Variants in TCF20 observed in about 807,000 individuals in gnomAD.
TCF20 encodes transcription factor 20, also known as SPRE-binding protein.
Under a neutral mutation model 148.6 loss-of-function variants are expected in TCF20, and 3 were observed. That is an observed-to-expected ratio of 0.02 (90% CI 0.01 to 0.05). The LOEUF (loss-of-function observed/expected upper bound fraction) is 0.05, where lower values mean the gene tolerates loss of function less well. TCF20 is among the 10% of genes least tolerant of loss of function. The pLI, the probability that TCF20 is intolerant of heterozygous loss-of-function variation, is 1.00. For missense variants in TCF20, 2,350 were observed against 2,429.3 expected (o/e 0.97, Z 0.69); for synonymous variants, 1,049 against 909.5 (o/e 1.15, Z -2.76).
At chr22:42,274,585 G>A (rs1436859148), upstream of TCF20, 1 of 152,286 alleles carries the variant, frequency 6.6e-6, no homozygotes, top group African/African-American at 2.4e-5. Flanking sequence ...ATGAAGCTGC[G>A]GAGTTGGGCA....
chr22:42,249,289 G>T (rs900091819), intron 1 of TCF20, among the ~76,000 whole-genome samples: 1 of 152,168 alleles, frequency 6.6e-6, no homozygotes, highest in Non-Finnish European at 1.5e-5. Flanking sequence ...GCCTGCAGAT[G>T]ATCTGTCATG....
chr22:42,252,597 C>T (rs776100475), intron 1 of TCF20, among the ~76,000 whole-genome samples: 13 of 151,962 alleles, frequency 8.6e-5, no homozygotes, highest in East Asian at 1.9e-4. Context: ...ATTACAGGCA[C>T]GCACCACCAT....
chr22:42,310,209 T>A (rs536398247), intron 1 of TCF20, among the ~76,000 whole-genome samples: 2 of 152,312 alleles, frequency 1.3e-5, no homozygotes, highest in East Asian at 3.9e-4. Context: ...GAGTTTACAT[T>A]TCATCCCAGG....
chr22:42,277,575 T>C (rs1569199071), intron 1 of TCF20, among the ~76,000 whole-genome samples: 1 of 151,798 alleles, frequency 6.6e-6, no homozygotes. Flanking sequence ...AGGGAACAAG[T>C]AGATTTCCAG....
In TCF20 at chr22:42,215,080, G is replaced by A; in HGVS notation, c.226C>T (p.His76Tyr). The A allele has an allele frequency of 1.2e-6, 2 of 1,614,188 alleles. No individual in the cohort carries two copies. The highest frequency in any genetic ancestry group is 4.5e-5 in the East Asian group (2 of 44,890). The change falls in exon 2 of 6, where the codon CAT becomes TAT. Residue 76 changes from histidine (H) to tyrosine (Y), a missense_variant. Transcript: ENST00000677622. ...AAAMASETSG[H>Y]QGYQGFRKEA... Reference sequence around the variant, plus strand: ...TTCCTGAAACCCTGGTAACCTTGATGGCCAGAGGTCTCGCTAGCCATCGCT... The same window carrying A: ...TTCCTGAAACCCTGGTAACCTTGATAGCCAGAGGTCTCGCTAGCCATCGCT...
At chr22:42,278,390 C>G (rs1030612612) in intron 1 of TCF20, 2 of 152,234 alleles carry the variant, frequency 1.3e-5, no homozygotes, top group Non-Finnish European at 2.9e-5. Flanking sequence ...TAACGGAAGT[C>G]CAGGCTATGA....
chr22:42,319,696 G>A (rs945382265), intron 1 of TCF20, among the ~76,000 whole-genome samples: 9 of 152,168 alleles, frequency 5.9e-5, no homozygotes, highest in Non-Finnish European at 1.0e-4. Flanking sequence ...TGGAGGAACT[G>A]AGGACAAATG....
chr22:42,249,428 C>G (rs1027470723), intron 1 of TCF20, among the ~76,000 whole-genome samples: 1 of 152,228 alleles, frequency 6.6e-6, no homozygotes, highest in Non-Finnish European at 1.5e-5. Context: ...GTTGGGGAAG[C>G]TGAGTATCAG....
intron 1 of TCF20, among the ~76,000 whole-genome samples, chr22:42,266,972 T>C (rs1161833080): frequency 6.6e-6 from 1 of 150,752 alleles, no homozygotes; most frequent in Non-Finnish European, 1.5e-5. Context: ...GCATGATAAC[T>C]GCTTACAATT....
chr22:42,341,324 C>T (rs891559332), intron 1 of TCF20, among the ~76,000 whole-genome samples: 2 of 152,142 alleles, frequency 1.3e-5, no homozygotes, highest in Non-Finnish European at 2.9e-5. Flanking sequence ...GGAGCCCTGG[C>T]GCTCGGCCAG....
In TCF20 at chr22:42,160,433, T is replaced by A. The variant is rs1464304144; in HGVS notation, c.*970A>T. On this transcript the variant is annotated 3_prime_UTR_variant, in exon 6 of 6. Transcript: ENST00000677622. ...AGCTCTGGCAACACAGGCCTGGACC[T>A]CCTCCCATCCCCACGGGTCCCTGTG... 1 of 152,570 alleles carries A rather than the reference T, an allele frequency of 6.6e-6. No individual in the cohort carries two copies. The highest frequency in any genetic ancestry group is 1.5e-5 in the Non-Finnish European group (1 of 68,080). The allele number at this position is 152,570 out of a possible 1,614,324, so 9.5% of individuals were successfully genotyped here. A position where few individuals can be genotyped will look rare whatever the true frequency, so the allele number is the denominator to read the frequency against.
In TCF20 at chr22:42,317,395, G is replaced by A. The variant is rs1927650931; in HGVS notation, c.-37+26084C>T. On this transcript the variant is annotated intron_variant, in intron 1 of 1. Coordinates refer to the TCF20 transcript ENST00000515426. This position sits in a 1 kb window ranked among gnomAD's most constrained non-coding sequence, Gnocchi z 4.2. ...ATGTGTGTGGTGGGGAAGGAGGGGC[G>A]GCGCTGGGTGACGGAGCTTCGATTT... Among the ~76,000 whole-genome samples, 1 of 152,168 alleles carries A rather than the reference G, an allele frequency of 6.6e-6. No individual in the cohort carries two copies.
chr22:42,212,851 G>T lies in TCF20; in HGVS notation c.2455C>A (p.Pro819Thr), dbSNP rs1425396298. The change falls in exon 2 of 6, where the codon CCC (proline) becomes ACC (threonine). Residue 819 changes from proline (P) to threonine (T), a missense_variant. By Grantham distance (38) the Pro-to-Thr change is conservative (BLOSUM62 -1). Around this residue, in one of 7 missense-constraint regions of TCF20, gnomAD observed 1,641 missense variants for 1,662.6 expected, o/e 0.99. Transcript: ENST00000677622. Reference sequence around the variant, plus strand: ...GTGCTGCTTGATTTCCTTTCCCAGGGGCCCCAGTGGGGATTTTCTAATAGA... The same window carrying T: ...GTGCTGCTTGATTTCCTTTCCCAGGTGCCCCAGTGGGGATTTTCTAATAGA... Reference protein sequence around the residue: ...GSLLENPHWGPWERKSSSTAP... With the variant: ...GSLLENPHWGTWERKSSSTAP... The T allele has an allele frequency of 6.2e-7, 1 of 1,614,160 alleles. No homozygotes were observed. Among genetic ancestry groups the T allele is most frequent in the Non-Finnish European group, 8.5e-7 (1 of 1,180,014 alleles).
In TCF20 at chr22:42,212,009, G is replaced by A. The variant is rs1255334044; in HGVS notation, c.3297C>T (p.Asp1099=). The A allele has an allele frequency of 1.2e-6, 2 of 1,614,102 alleles. No homozygotes were observed. Among genetic ancestry groups the A allele is most frequent in the Non-Finnish European group, 1.7e-6 (2 of 1,180,052 alleles). The change falls in exon 2 of 6, where the codon GAC becomes GAT. Residue 1099 remains aspartate, a synonymous_variant. Transcript: ENST00000677622. ...CTCCCTGAGCAGAACCGCTGCTCCAGTCTTTATACTCCTCTGGTTGCTGTT... is the reference window on the plus strand; with the variant it reads ...CTCCCTGAGCAGAACCGCTGCTCCAATCTTTATACTCCTCTGGTTGCTGTT... The part of the protein sequence containing the change: ...MYQQQPEEYK[D]WSSGSAQGVI...
intron 1 of TCF20, among the ~76,000 whole-genome samples, chr22:42,245,385 T>C (rs1251345556): frequency 2.6e-5 from 4 of 152,086 alleles, no homozygotes; most frequent in Non-Finnish European, 5.9e-5. Flanking sequence ...TTTACTCCTG[T>C]CTCATTCCCA....
chr22:42,161,468 A>C, intron 5 of TCF20, 110 bp from the exon 6 acceptor site: 9 of 1,417,230 alleles, frequency 6.4e-6, no homozygotes, highest in Middle Eastern at 1.7e-4. Flanking sequence ...GCCTGCACTC[A>C]CGCCCCTCTG....
In TCF20 at chr22:42,161,275, G is replaced by A; in HGVS notation, c.*128C>T. 1.2e-6 allele frequency: 2 copies of A among 1,605,786 alleles called. No individual in the cohort carries two copies. Among genetic ancestry groups the A allele is most frequent in the Non-Finnish European group, 1.7e-6 (2 of 1,175,508 alleles). ...GCAGGCACGCGGGCGGGGCGGGGCG[G>A]GGCAGGGCAGGGTGTGGCTGCACGG... On this transcript the variant is annotated 3_prime_UTR_variant, in exon 6 of 6. Coordinates refer to ENST00000677622, the MANE Select transcript of TCF20 (RefSeq NM_001378418.1).
rs1229854550 is a variant in TCF20 at position 42,299,859 on chromosome 22, G to C, written c.-37+43620C>G. 6.6e-6 allele frequency among the ~76,000 whole-genome samples: 1 copy of C among 151,036 alleles called. No individual in the cohort carries two copies. The highest frequency in any genetic ancestry group is 2.4e-5 in the African/African-American group (1 of 41,020). On this transcript the variant is annotated intron_variant, in intron 1 of 1. Coordinates refer to the TCF20 transcript ENST00000515426. The surrounding 1 kb of genome is among the most constrained non-coding windows in gnomAD (Gnocchi z 4.1). ...GGAGAAGGAAGCGGAGGGGAGGAGG[G>C]AGGAGGGAAAAGACAGAAAGGGGTA...
In TCF20 at chr22:42,232,579, G is replaced by C. The variant is rs954610071; in HGVS notation, c.-36-17238C>G. 2.0e-5 allele frequency among the ~76,000 whole-genome samples: 3 copies of C among 152,260 alleles called. No homozygotes were observed. The South Asian group carries it at 6.2e-4, about 32-fold the overall frequency. ...GCAGTGGCTCACGCCCGTAATCCCA[G>C]CACTTTGGGAGGTCGAGGCGGGCGG... is the stretch of plus-strand genomic sequence containing the variant. On this transcript the variant is annotated intron_variant, in intron 1 of 5. Coordinates refer to ENST00000677622, the MANE Select transcript of TCF20 (RefSeq NM_001378418.1).
Sources: gnomAD v4.1 joint callset for allele counts (sites outside exome capture counted in the v4.1 genomes callset) on GRCh38, gnomAD v4.1.1 for gene constraint, gnomAD v4.1.1 regional missense constraint, Gnocchi (gnomAD v3.1) non-coding constraint, MANE v1.5 for transcripts, NCBI Gene and HGNC (gene_info 2026-07-23, HGNC 2026-07-21) for gene names.